CACNA1F: variants seen among roughly 807,000 people sequenced by gnomAD.
The protein encoded by CACNA1F is voltage-dependent L-type calcium channel subunit alpha-1F.
CACNA1F carries 59 observed loss-of-function variants against 143.8 expected under a neutral mutation model. The ratio of observed to expected loss-of-function variants is 0.41; its 90% CI spans 0.33 to 0.51. The LOEUF is 0.51. CACNA1F is among the 20% of genes least tolerant of loss of function. The probability of loss-of-function intolerance (pLI) is 0.22; values close to 1 mark genes in which losing one functional copy is unlikely to be tolerated. For synonymous variants in CACNA1F, 643 were observed against 649.1 expected, an observed-to-expected ratio of 0.99 and a Z score of 0.14; for missense variants, 1,411 against 1,647.5, an observed-to-expected ratio of 0.86 and a Z score of 2.48.
At position 49,228,183 on chromosome X, in the gene CACNA1F, T is replaced by A. The variant is rs782087249; in HGVS notation, c.1015-44A>T. 6 of 1,183,609 alleles carry A rather than the reference T, an allele frequency of 5.1e-6. No homozygotes were observed. The African/African-American group carries it at 1.1e-4, about 21-fold the overall frequency. On this transcript the variant is annotated intron_variant, in intron 7 of 47. Transcript: ENST00000323022. Reference sequence around the variant, plus strand: ...TGCATCCCTCAGGGTAGGCAGACACTCCTGCGTGAGTGTCAGGGAGGAAAG... The same window carrying A: ...TGCATCCCTCAGGGTAGGCAGACACACCTGCGTGAGTGTCAGGGAGGAAAG...
intron 23 of CACNA1F, 43 bp downstream of exon 23, chrX:49,218,586 T>C: frequency 1.7e-6 from 2 of 1,179,304 alleles, no homozygotes; most frequent in Non-Finnish European, 1.1e-6. Context: ...GGCTGGGCCC[T>C]GGCTGTGAGA....
At chrX:49,219,174 G>A (rs1243434389) in intron 21 of CACNA1F, 147 bp downstream of exon 21, 13 of 632,279 alleles carry the variant, frequency 2.1e-5, no homozygotes, top group Non-Finnish European at 3.3e-5. Context: ...ATGCCGTAAA[G>A]GCTGGCATTG....
intron 4 of CACNA1F, 53 bp from the exon 5 acceptor site, chrX:49,230,662 C>A: frequency 2.7e-6 from 3 of 1,131,199 alleles, no homozygotes; most frequent in Non-Finnish European, 2.4e-6. Context: ...GGGATTCCCC[C>A]CTCCACCCTA....
At chrX:49,224,338 G>A (rs1445034321) in intron 14 of CACNA1F, among the ~76,000 whole-genome samples, 5 of 109,789 alleles carry the variant, frequency 4.6e-5, no homozygotes, top group African/African-American at 1.7e-4. Context: ...GGGATGAGGT[G>A]GGAGATGGAG....
intron 43 of CACNA1F, among the ~76,000 whole-genome samples, chrX:49,207,921 C>T (rs1429103484): frequency 4.7e-5 from 5 of 106,779 alleles, no homozygotes; most frequent in East Asian, 3.0e-4. Flanking sequence ...AGGCAGGGCA[C>T]GGTGGCTCAA....
Position 49,207,048 on chromosome X carries a change from T to G in CACNA1F, c.5188A>C (p.Lys1730Gln). Residue 1730 changes from lysine to glutamine, a missense_variant, in exon 44 of 48, where the codon AAA becomes CAA. Physicochemically the swap from Lys to Gln is moderately conservative, Grantham distance 53. Transcript: ENST00000323022. ...TCCTCATCTTGCTTGTTTTGCCCTT[T>G]GGTTCCCTTGGGCTGAGAATTTCCT... ...EEGNSQPKGT[K>Q]GQNKQDEDEE... is the part of the protein sequence containing the mutation. The G allele has an allele frequency of 8.3e-7, 1 of 1,203,918 alleles. No homozygotes were observed. The highest frequency in any genetic ancestry group is 1.8e-5 in the South Asian group (1 of 55,710).
At chrX:49,222,871 A>G in intron 15 of CACNA1F, 33 bp from the exon 16 acceptor site, 7 of 1,207,704 alleles carry the variant, frequency 5.8e-6, no homozygotes, top group Non-Finnish European at 7.8e-6. Flanking sequence ...GAGCTCTTGG[A>G]CCCCCTCCAA....
chrX:49,231,004 G>A lies in CACNA1F; in HGVS notation c.382-15C>T, dbSNP rs998869092. 3.5e-6 allele frequency: 4 copies of A among 1,131,241 alleles called. No homozygotes were observed. Among genetic ancestry groups the A allele is most frequent in the Non-Finnish European group, 4.8e-6 (4 of 825,337 alleles). The allele number at this position is 1,131,241 out of a possible 1,213,427, so 93.2% of individuals were successfully genotyped here. ...TCCACCTGCTCCTGGGGGTGGGACC[G>A]GGGGGCGGGTCGGGAAGTCGAGGAG... On this transcript the variant is annotated splice_polypyrimidine_tract_variant and intron_variant, in intron 3 of 47. Coordinates refer to ENST00000323022, the MANE Select transcript of CACNA1F (RefSeq NM_001256789.3).
At position 49,218,447 on chromosome X, in the gene CACNA1F, G is replaced by A; in HGVS notation, c.2928+8C>T. ...TGGGTCCTGTGGGTTTGGGTGGGGT[G>A]GGGTTACCTTGAGTCCCTTGGCCCT... is the stretch of plus-strand genomic sequence containing the variant. On this transcript the variant is annotated splice_region_variant and intron_variant, in intron 24 of 47. Transcript: ENST00000323022. The A allele has an allele frequency of 8.6e-7, 1 of 1,168,539 alleles. No homozygotes were observed.
At chrX:49,216,265 C>T (rs782504300) in intron 27 of CACNA1F, 117 bp downstream of exon 27, 66 of 780,846 alleles carry the variant, frequency 8.5e-5, no homozygotes, top group Non-Finnish European at 1.2e-4. Flanking sequence ...TATCCAGTCT[C>T]GAGAGACCTT....
At chrX:49,217,859 C>A in intron 25 of CACNA1F, 39 bp downstream of exon 25, 3 of 1,192,317 alleles carry the variant, frequency 2.5e-6, no homozygotes, top group Non-Finnish European at 3.4e-6. Flanking sequence ...CACTCCCGCC[C>A]AGACCCCTGC....
chrX:49,226,727 G>C (rs782732613), intron 9 of CACNA1F, 25 bp from the exon 10 acceptor site: 1 of 1,138,361 alleles, frequency 8.8e-7, no homozygotes, highest in Non-Finnish European at 1.2e-6. Flanking sequence ...AGGACAATTA[G>C]GGAGGACATA....
At chrX:49,208,419 T>TCCCCCCCC in intron 43 of CACNA1F, 96 bp downstream of exon 43, 1 of 176,002 alleles carries the variant, frequency 5.7e-6, no homozygotes, top group Non-Finnish European at 1.1e-5. Flanking sequence ...AGGCCCTCCC[T>TCCCCCCCC]CCCACCCCCC....
intron 17 of CACNA1F, among the ~76,000 whole-genome samples, chrX:49,221,407 C>T (rs1171615175): frequency 9.0e-6 from 1 of 111,643 alleles, no homozygotes; most frequent in Non-Finnish European, 1.9e-5. Context: ...CCATTCCAGC[C>T]TCACTGTTTT....
rs1397573619 is a variant in CACNA1F, at chrX:49,212,852, T to C, written c.3814-57A>G. 1.8e-5 allele frequency: 22 copies of C among 1,190,276 alleles called. No homozygotes were observed. The South Asian group carries it at 3.3e-4, about 18-fold the overall frequency. On this transcript the variant is annotated intron_variant, in intron 32 of 47. Coordinates refer to ENST00000323022, the MANE Select transcript of CACNA1F (RefSeq NM_001256789.3). ...TTTGCATTTACTCCAGCTATCTCCC[T>C]ATCTCATGCTTTGGCCCTCCCAGTA...
chrX:49,208,566 G>A lies in CACNA1F; in HGVS notation c.5072C>T (p.Thr1691Ile). The A allele has an allele frequency of 1.7e-6, 2 of 1,209,820 alleles. No homozygotes were observed. The highest frequency in any genetic ancestry group is 2.2e-5 in the Admixed American group (1 of 45,932). ...CACACTGGGCTGACTGGAGGTGGGA[G>A]TCCCCCTGTCATCATCACTGGGCCC... The part of the protein sequence containing the change: ...SFGPSDDDRG[T>I]PTSSQPSVPQ... The change falls in exon 43 of 48, where the codon ACT becomes ATT. Residue 1691 changes from threonine to isoleucine, a missense_variant. Thr to Ile is a moderately conservative substitution (Grantham distance 89). Coordinates refer to ENST00000323022, the MANE Select transcript of CACNA1F (RefSeq NM_001256789.3).
intron 6 of CACNA1F, among the ~76,000 whole-genome samples, chrX:49,229,313 C>A (rs1187222178): frequency 9.1e-6 from 1 of 110,162 alleles, no homozygotes; most frequent in East Asian, 2.9e-4. Context: ...TGCACCACCA[C>A]GCCCGGCTCA....
intron 4 of CACNA1F, 56 bp from the exon 5 acceptor site, chrX:49,230,665 C>T: frequency 2.7e-6 from 3 of 1,117,830 alleles, no homozygotes; most frequent in South Asian, 2.1e-5. Context: ...ATTCCCCCCT[C>T]CACCCTAACC....
chrX:49,206,504 G>C lies in CACNA1F; in HGVS notation c.5472+7C>G. Reference sequence around the variant, plus strand: ...CCCAGACCCCAGCACCACCTCCACAGCCTCACCTGAGCCCTATTGGGCCCT... The same window carrying C: ...CCCAGACCCCAGCACCACCTCCACACCCTCACCTGAGCCCTATTGGGCCCT... On this transcript the variant is annotated splice_region_variant and intron_variant, in intron 46 of 47. Transcript: ENST00000323022. 8.7e-7 allele frequency: 1 copy of C among 1,143,189 alleles called. No individual in the cohort carries two copies. The highest frequency in any genetic ancestry group is 1.2e-6 in the Non-Finnish European group (1 of 842,299). 94.2% of individuals were successfully genotyped at this position (1,143,189 alleles called of 1,213,427 possible).
Sources: allele counts gnomAD v4.1 joint callset (sites outside exome capture counted in the v4.1 genomes callset), GRCh38; gene constraint gnomAD v4.1.1; transcripts MANE v1.5; gene names NCBI Gene and HGNC (gene_info 2026-07-23, HGNC 2026-07-21).